Variants in BTG4 observed in about 807,000 individuals in gnomAD.
The protein encoded by BTG4 is protein BTG4.
A neutral mutation model predicts 19.3 loss-of-function variants in BTG4; 10 were observed. The observed-to-expected ratio is 0.52, with a 90% confidence interval of 0.32 to 0.88. The LOEUF (loss-of-function observed/expected upper bound fraction) is 0.88, where lower values mean the gene tolerates loss of function less well. Among genes scored for constraint, BTG4 ranks in the 40% least tolerant of loss-of-function variants. The pLI is 0.04. For missense variants in BTG4, 238 were observed against 281.9 expected (o/e 0.84, Z 1.11); for synonymous variants, 91 against 95.7 (o/e 0.95, Z 0.29).
chr11:111,490,359 T>C (rs1266124926), downstream of BTG4, among the ~76,000 whole-genome samples: 6 of 151,816 alleles, frequency 4.0e-5, no homozygotes, highest in Admixed American at 1.3e-4. Flanking sequence ...AGGTGATGAA[T>C]ACCCCAATTA....
At chr11:111,384,417 T>A in the BTG4 span, among the ~76,000 whole-genome samples, 1 of 152,110 alleles carries the variant, frequency 6.6e-6, no homozygotes, top group Non-Finnish European at 1.5e-5. Context: ...TTAAAACAAC[T>A]AATACAAACA....
At chr11:111,447,834 C>T in the BTG4 span, among the ~76,000 whole-genome samples, 1 of 152,126 alleles carries the variant, frequency 6.6e-6, no homozygotes, top group South Asian at 2.1e-4. Context: ...CAGAGGCTGC[C>T]CTTCCTGGGC....
the BTG4 span, among the ~76,000 whole-genome samples, chr11:111,460,670 A>G: frequency 6.6e-6 from 1 of 152,242 alleles, no homozygotes; most frequent in African/African-American, 2.4e-5. Context: ...AAGCAAATGC[A>G]AAGGCAGCAA....
exon 6 of BTG4, chr11:111,467,561 C>A: frequency 1.5e-6 from 1 of 682,816 alleles, no homozygotes; most frequent in Non-Finnish European, 2.7e-6. Context: ...TTTCAGGCTC[C>A]AGAAATCACC....
rs761118451 is a variant in BTG4, at chr11:111,495,197, T to C, written c.628A>G (p.Lys210Glu). 3 of 1,611,356 alleles carry C rather than the reference T, an allele frequency of 1.9e-6. No individual in the cohort carries two copies. Among genetic ancestry groups the C allele is most frequent in the Non-Finnish European group, 2.5e-6 (3 of 1,178,906 alleles). Residue 210 changes from lysine to glutamate, a missense_variant, in exon 5 of 5, where the codon AAG becomes GAG. Coordinates refer to ENST00000692032, the MANE Select transcript of BTG4 (RefSeq NM_001367975.1). ...CGGTGCATAGCAGGCCTGTAACACT[T>C]AGGATGCTTCTGCGAGCCATGGTAA... ...NTYHGSQKHP[K>E]CYRPAMHRLD...
At chr11:111,488,093 A>T (rs553454492) in intron 5 of BTG4, among the ~76,000 whole-genome samples, 1 of 151,790 alleles carries the variant, frequency 6.6e-6, no homozygotes, top group South Asian at 2.1e-4. Context: ...TCACAGAAAT[A>T]AAAAAAAATT....
Position 111,498,767 on chromosome 11 carries a change from C to A in BTG4, c.10G>T (p.Glu4Ter), listed in dbSNP as rs1216568611. 1 of 1,609,964 alleles carries A rather than the reference C, an allele frequency of 6.2e-7. No individual in the cohort carries two copies. Among genetic ancestry groups the A allele is most frequent in the Non-Finnish European group, 8.5e-7 (1 of 1,178,498 alleles). The change falls in exon 2 of 5, where the codon GAA becomes TAA. Residue 4 changes from glutamate (E) to a stop codon, truncating the protein, a stop_gained. Transcript: ENST00000692032. LOFTEE classifies it high-confidence loss of function. MRD[E>*]IATTVFFVTR... ...ACAAAGAAAACTGTTGTTGCAATTT[C>A]ATCTCTCATGATTCAAGAAAAATAG...
At chr11:111,455,948 G>A in the BTG4 span, 9 of 387,190 alleles carry the variant, frequency 2.3e-5, no homozygotes, top group Non-Finnish European at 4.9e-5. Context: ...AACTAGCCCT[G>A]TAGAAACTCC....
the BTG4 span, among the ~76,000 whole-genome samples, chr11:111,387,618 G>A: frequency 6.6e-6 from 1 of 152,146 alleles, no homozygotes; most frequent in East Asian, 1.9e-4. Context: ...TAGCCACTCT[G>A]ACAAACTTGC....
intron 1 of BTG4, among the ~76,000 whole-genome samples, chr11:111,502,614 G>A (rs554600020): frequency 6.6e-6 from 1 of 152,248 alleles, no homozygotes; most frequent in African/African-American, 2.4e-5. Flanking sequence ...CTGAACTAAA[G>A]GCAACAGATG....
chr11:111,408,708 T>C, the BTG4 span, among the ~76,000 whole-genome samples: 1 of 152,208 alleles, frequency 6.6e-6, no homozygotes, highest in Non-Finnish European at 1.5e-5. Context: ...GATGGCAACA[T>C]AAGCTAATGA....
At chr11:111,506,685 A>G (rs1372085294) in intron 1 of BTG4, among the ~76,000 whole-genome samples, 1 of 152,174 alleles carries the variant, frequency 6.6e-6, no homozygotes, top group African/African-American at 2.4e-5. Context: ...GCAACACTCT[A>G]TACTAATATA....
At chr11:111,492,844 TGA>T (rs572562776), downstream of BTG4, among the ~76,000 whole-genome samples, 23 of 152,076 alleles carry the variant, frequency 1.5e-4, 1 homozygote, top group South Asian at 4.8e-3. Flanking sequence ...TGAGGCAAGG[TGA>T]GAAGTATCCC....
chr11:111,458,249 G>A, the BTG4 span: 1 of 152,636 alleles, frequency 6.6e-6, no homozygotes, highest in Admixed American at 6.5e-5. Context: ...TGGGCCAGAG[G>A]CTCTCAGGCC....
chr11:111,411,844 T>C, the BTG4 span, among the ~76,000 whole-genome samples: 5 of 152,224 alleles, frequency 3.3e-5, no homozygotes, highest in African/African-American at 1.2e-4. Flanking sequence ...TCTATATTCC[T>C]TAGCCTTTAT....
intron 1 of BTG4, chr11:111,508,005 A>G (rs1866580503): frequency 6.6e-6 from 1 of 152,194 alleles, no homozygotes; most frequent in Non-Finnish European, 1.5e-5. Context: ...CTCCACCACA[A>G]TATTCTTCCA....
chr11:111,411,266 C>T, the BTG4 span, among the ~76,000 whole-genome samples: 4 of 152,262 alleles, frequency 2.6e-5, no homozygotes, highest in African/African-American at 9.6e-5. Context: ...GTTCATCCTG[C>T]TCCTGTCTCC....
chr11:111,478,853 T>G (rs1864557741), intron 5 of BTG4, among the ~76,000 whole-genome samples: 1 of 151,732 alleles, frequency 6.6e-6, no homozygotes, highest in African/African-American at 2.4e-5. Flanking sequence ...AATGAATGCA[T>G]AGAGCACCAG....
At position 111,498,671 on chromosome 11, in the gene BTG4, TC is replaced by T; in HGVS notation, c.105del (p.Met35IlefsTer28). 1 of 1,613,966 alleles carries T rather than the reference TC, an allele frequency of 6.2e-7. No individual in the cohort carries two copies. Among genetic ancestry groups the T allele is most frequent in the Non-Finnish European group, 8.5e-7 (1 of 1,179,974 alleles). On this transcript the variant is annotated frameshift_variant, in exon 2 of 5. Coordinates refer to ENST00000692032, the MANE Select transcript of BTG4 (RefSeq NM_001367975.1). LOFTEE classifies it high-confidence loss of function. ...QQIEDFAEKL[M>X]TILFETYRSH... Reference sequence around the variant, plus strand: ...CTTCTGTATGTTTCAAACAAGATCGTCATCAGCTTTTCTGCAAAGTCTTCTA... The same window carrying T: ...CTTCTGTATGTTTCAAACAAGATCGTATCAGCTTTTCTGCAAAGTCTTCTA...
Sources: gnomAD v4.1 joint callset for allele counts (sites outside exome capture counted in the v4.1 genomes callset) on GRCh38, gnomAD v4.1.1 for gene constraint, MANE v1.5 for transcripts, NCBI Gene and HGNC (gene_info 2026-07-23, HGNC 2026-07-21) for gene names.